The following CAPRIN1 variants were observed in gnomAD, a reference collection of about 807,000 sequenced individuals.
CAPRIN1 encodes caprin-1.
A neutral mutation model predicts 100.9 loss-of-function variants in CAPRIN1; 29 were observed. The ratio of observed to expected loss-of-function variants is 0.29; its 90% CI spans 0.21 to 0.39. The LOEUF (loss-of-function observed/expected upper bound fraction) is 0.39, where lower values mean the gene tolerates loss of function less well. CAPRIN1 is among the 10% of genes least tolerant of loss of function. The probability of loss-of-function intolerance (pLI) is 1.00; values close to 1 mark genes in which losing one functional copy is unlikely to be tolerated. For missense variants in CAPRIN1, 795 were observed against 876.7 expected (o/e 0.91, Z 1.18); for synonymous variants, 338 against 307.5 (o/e 1.10, Z -1.04).
intron 10 of CAPRIN1, 42 bp from the exon 11 acceptor site, chr11:34,086,263 T>C: frequency 6.2e-7 from 1 of 1,608,790 alleles, no homozygotes; most frequent in Non-Finnish European, 8.5e-7. Context: ...AGTTTAAGTG[T>C]TTATATTATT....
At position 34,062,726 on chromosome 11, in the gene CAPRIN1, A is replaced by G. The variant is rs1850607200; in HGVS notation, c.217-9000A>G. Among the ~76,000 whole-genome samples, 4 of 151,908 alleles carry G rather than the reference A, an allele frequency of 2.6e-5. No individual in the cohort carries two copies. The South Asian group carries it at 8.3e-4, about 32-fold the overall frequency. ...AAGTTGGTACAGTACTCTAGAAGTG[A>G]TTTATTTGGCCTGGATACATAAAGT... On this transcript the variant is annotated intron_variant, in intron 2 of 18. Transcript: ENST00000341394.
In CAPRIN1 at chr11:34,079,750, C is replaced by CACCTTCACCTGA; in HGVS notation, c.812_813insCCTTCACCTGAA (p.Gln271delinsHisLeuHisLeuLys). 1.9e-6 allele frequency: 3 copies of CACCTTCACCTGA among 1,613,978 alleles called. No homozygotes were observed. The highest frequency in any genetic ancestry group is 3.3e-4 in the Middle Eastern group (2 of 6,062). On this transcript the variant is annotated protein_altering_variant, in exon 7 of 19. Transcript: ENST00000341394. ...AGCCTCAGCACCTGCAGTTGAAGAC[C>CACCTTCACCTGA]AGGTACCTGAAGCTGGTGAGTATTA...
intron 11 of CAPRIN1, among the ~76,000 whole-genome samples, 183 bp downstream of exon 11, chr11:34,086,596 ACT>A (rs1851150078): frequency 6.6e-6 from 1 of 152,242 alleles, no homozygotes; most frequent in African/African-American, 2.4e-5. Context: ...GTAGTTTATA[ACT>A]GTTTATTTTT....
chr11:34,064,611 C>T (rs1363970094), intron 2 of CAPRIN1, among the ~76,000 whole-genome samples: 3 of 152,142 alleles, frequency 2.0e-5, no homozygotes, highest in Admixed American at 6.5e-5. Context: ...AAAAATTAGA[C>T]CAATTGTCGT....
In CAPRIN1 at chr11:34,052,529, C is replaced by T. The variant is rs991723717; in HGVS notation, c.109C>T (p.Pro37Ser). 5.0e-6 allele frequency: 8 copies of T among 1,605,662 alleles called. No homozygotes were observed. Among genetic ancestry groups the T allele is most frequent in the Non-Finnish European group, 6.8e-6 (8 of 1,176,694 alleles). The change falls in exon 2 of 19, where the codon CCG becomes TCG. Residue 37 changes from proline to serine, a missense_variant. By Grantham distance (74) the Pro-to-Ser change is moderately conservative. Coordinates refer to ENST00000341394, the MANE Select transcript of CAPRIN1 (RefSeq NM_005898.5). ...GGCCGCGGGAGCCGGGGCCGCCGCG[C>T]CGGCTTCTCAGCACCCCGCAACCGG... The part of the protein sequence containing the change: ...EAAAGAGAAA[P>S]ASQHPATGTG...
At chr11:34,074,389 T>C (rs1210002638) in intron 4 of CAPRIN1, among the ~76,000 whole-genome samples, 1 of 152,284 alleles carries the variant, frequency 6.6e-6, no homozygotes, top group African/African-American at 2.4e-5. Context: ...TTTGGTATAC[T>C]GTACACAATT....
intron 11 of CAPRIN1, among the ~76,000 whole-genome samples, chr11:34,088,771 C>G (rs925947541): frequency 1.3e-5 from 2 of 152,094 alleles, no homozygotes; most frequent in Non-Finnish European, 2.9e-5. Context: ...TTTTTCATGG[C>G]ACTGATTATT....
At chr11:34,093,864 A>G (rs1851311658) in intron 15 of CAPRIN1, among the ~76,000 whole-genome samples, 2 of 125,708 alleles carry the variant, frequency 1.6e-5, no homozygotes, top group Non-Finnish European at 3.5e-5. Context: ...AACACCAGTC[A>G]CATACGCAGC....
intron 9 of CAPRIN1, among the ~76,000 whole-genome samples, chr11:34,085,274 A>T (rs1388410346): frequency 6.6e-6 from 1 of 152,152 alleles, no homozygotes; most frequent in Non-Finnish European, 1.5e-5. Flanking sequence ...AGCAGTTTAG[A>T]TGAGTTGGTA....
In CAPRIN1 at chr11:34,071,563, CA is replaced by C. The variant is rs796340955; in HGVS notation, c.217-151del. On this transcript the variant is annotated intron_variant, in intron 2 of 18. Transcript: ENST00000341394. The stretch of plus-strand genomic sequence containing the variant: ...CTGGGTGACGAGCGAAACTCTGTCT[CA>C]AAAAAAAAAAATTTATGTACTTAAA... Among the ~76,000 whole-genome samples, 967 of 140,114 alleles carry C rather than the reference CA, an allele frequency of 6.9e-3. 15 individuals are homozygous for C. The highest frequency in any genetic ancestry group is 0.023 in the African/African-American group (899 of 38,384). 91.9% of individuals were successfully genotyped at this position (140,114 alleles called of 152,430 possible).
intron 13 of CAPRIN1, 46 bp downstream of exon 13, chr11:34,090,335 C>G (rs774156110): frequency 8.9e-6 from 12 of 1,351,464 alleles, no homozygotes; most frequent in Middle Eastern, 3.6e-4. Context: ...GGCACTTACT[C>G]ATGAATTGAA....
intron 12 of CAPRIN1, 59 bp from the exon 13 acceptor site, chr11:34,090,120 T>A: frequency 9.2e-7 from 1 of 1,091,608 alleles, no homozygotes; most frequent in Non-Finnish European, 1.4e-6. Flanking sequence ...GGTAACTTGT[T>A]TTTTTAACAG....
rs1347701024 is a variant in CAPRIN1 at position 34,072,076 on chromosome 11, C to T, written c.366+89C>T. 1.8e-5 allele frequency: 14 copies of T among 769,098 alleles called. No homozygotes were observed. The East Asian group carries it at 3.2e-4, about 18-fold the overall frequency. 47.6% of individuals were successfully genotyped at this position (769,098 alleles called of 1,614,324 possible). ...TCCATTACTATTGATAAGCTCTCTG[C>T]AAGGTGAGACAGTTGTATCCAATTA... On this transcript the variant is annotated intron_variant, in intron 4 of 18. Transcript: ENST00000341394.
intron 6 of CAPRIN1, among the ~76,000 whole-genome samples, chr11:34,078,690 T>C (rs1041663597): frequency 6.6e-6 from 1 of 152,184 alleles, no homozygotes; most frequent in African/African-American, 2.4e-5. Context: ...CCTATGCTTG[T>C]TTTTTATTCC....
At chr11:34,083,474 C>G (rs145405258) in intron 9 of CAPRIN1, among the ~76,000 whole-genome samples, 6 of 152,264 alleles carry the variant, frequency 3.9e-5, no homozygotes, top group African/African-American at 1.4e-4. Context: ...TGATTTTTTT[C>G]GGGTCCTCAT....
chr11:34,073,607 A>G (rs1175607834), intron 4 of CAPRIN1, among the ~76,000 whole-genome samples: 1 of 152,022 alleles, frequency 6.6e-6, no homozygotes, highest in Non-Finnish European at 1.5e-5. Flanking sequence ...AATTTTTAGT[A>G]GGGATGGGGT....
intron 4 of CAPRIN1, among the ~76,000 whole-genome samples, chr11:34,075,447 C>A (rs1452872470): frequency 6.6e-6 from 1 of 152,092 alleles, no homozygotes; most frequent in Non-Finnish European, 1.5e-5. Flanking sequence ...TTCCTTTCAG[C>A]CTTTCCAGGA....
chr11:34,098,235 G>C (rs959339123), intron 18 of CAPRIN1: 3 of 987,660 alleles, frequency 3.0e-6, no homozygotes, highest in Non-Finnish European at 3.6e-6. Flanking sequence ...CCATTTAGAA[G>C]TGATAGAACT....
intron 3 of CAPRIN1, 32 bp from the exon 4 acceptor site, chr11:34,071,869 T>C: frequency 6.3e-7 from 1 of 1,598,088 alleles, no homozygotes; most frequent in Non-Finnish European, 8.6e-7. Flanking sequence ...TTTTTGTCTT[T>C]CCAGTAAAGT....
Sources: allele counts gnomAD v4.1 joint callset (sites outside exome capture counted in the v4.1 genomes callset), GRCh38; gene constraint gnomAD v4.1.1; transcripts MANE v1.5; gene names NCBI Gene and HGNC (gene_info 2026-07-23, HGNC 2026-07-21).